MGAT4C: variants seen among roughly 807,000 people sequenced by gnomAD.
MGAT4C encodes alpha-1,3-mannosyl-glycoprotein 4-beta-N-acetylglucosaminyltransferase C.
MGAT4C carries 19 observed loss-of-function variants against 40.1 expected under a neutral mutation model. The observed-to-expected ratio is 0.47, with a 90% CI of 0.33 to 0.70. The LOEUF is 0.70. MGAT4C is among the 30% of genes least tolerant of loss of function. MGAT4C has a pLI of 0.02. For synonymous variants in MGAT4C, 181 were observed against 187.1 expected (o/e 0.97, Z 0.27); for missense variants, 491 against 563.2 (o/e 0.87, Z 1.30).
At chr12:86,585,194 G>A (rs1960963980) in intron 2 of MGAT4C, among the ~76,000 whole-genome samples, 1 of 151,264 alleles carries the variant, frequency 6.6e-6, no homozygotes, top group Non-Finnish European at 1.5e-5. Flanking sequence ...AGCATAAAAT[G>A]GGACTCTCCT....
intron 2 of MGAT4C, among the ~76,000 whole-genome samples, chr12:86,010,092 T>C (rs1442739994): frequency 6.6e-6 from 1 of 152,214 alleles, no homozygotes; most frequent in African/African-American, 2.4e-5. Context: ...ATAAATGTTA[T>C]ATATTGTGAT....
At chr12:86,494,044 T>G (rs1040726660) in intron 2 of MGAT4C, among the ~76,000 whole-genome samples, 2 of 152,066 alleles carry the variant, frequency 1.3e-5, no homozygotes, top group African/African-American at 4.8e-5. Context: ...TTGGTAATTT[T>G]GTATAGCCAT....
chr12:86,817,338 T>C (rs750785458), intron 1 of MGAT4C, among the ~76,000 whole-genome samples: 8 of 151,660 alleles, frequency 5.3e-5, no homozygotes, highest in Admixed American at 1.3e-4. Context: ...TGTTTCTTTT[T>C]GTATTGTTTT....
chr12:86,181,713 A>G (rs1437635063), intron 1 of MGAT4C, among the ~76,000 whole-genome samples: 1 of 152,148 alleles, frequency 6.6e-6, no homozygotes, highest in Non-Finnish European at 1.5e-5. Flanking sequence ...CGATTGTGGA[A>G]TAAAATTTTT....
At chr12:86,140,615 G>A (rs1477135048) in intron 1 of MGAT4C, among the ~76,000 whole-genome samples, 3 of 151,944 alleles carry the variant, frequency 2.0e-5, no homozygotes, top group Non-Finnish European at 4.4e-5. Flanking sequence ...TATGTAACCT[G>A]CATTTTCTGC....
chr12:86,807,405 C>T (rs746310628), intron 1 of MGAT4C, among the ~76,000 whole-genome samples: 7 of 152,002 alleles, frequency 4.6e-5, no homozygotes, highest in Admixed American at 6.6e-5. Flanking sequence ...CGTTGGTTTG[C>T]TGAGGATAAT....
intron 2 of MGAT4C, among the ~76,000 whole-genome samples, chr12:86,563,698 CT>C (rs904335918): frequency 6.6e-6 from 1 of 152,124 alleles, no homozygotes; most frequent in African/African-American, 2.4e-5. Flanking sequence ...ATGATCAGAC[CT>C]TTTGGGAACT....
chr12:86,111,279 C>G (rs1464459587), intron 1 of MGAT4C, among the ~76,000 whole-genome samples: 1 of 151,748 alleles, frequency 6.6e-6, no homozygotes, highest in Non-Finnish European at 1.5e-5. Context: ...TGTGTAGTGT[C>G]TATCAAGCAT....
intron 3 of MGAT4C, among the ~76,000 whole-genome samples, chr12:86,424,296 C>G (rs1271121625): frequency 6.6e-6 from 1 of 152,154 alleles, no homozygotes; most frequent in Non-Finnish European, 1.5e-5. Context: ...TAGCCTTTCT[C>G]TTTAGATTTT....
intron 1 of MGAT4C, among the ~76,000 whole-genome samples, chr12:86,744,523 A>C (rs1951121982): frequency 6.6e-6 from 1 of 151,424 alleles, no homozygotes; most frequent in Admixed American, 6.6e-5. Context: ...CTCCAGTGGA[A>C]CTCTGCCTCT....
intron 4 of MGAT4C, among the ~76,000 whole-genome samples, chr12:86,286,689 G>A (rs1953360111): frequency 6.6e-6 from 1 of 151,996 alleles, no homozygotes; most frequent in African/African-American, 2.4e-5. Context: ...TGTCATCCAG[G>A]TAATAAGCAT....
intron 2 of MGAT4C, among the ~76,000 whole-genome samples, chr12:86,048,016 T>G (rs1357988862): frequency 6.6e-6 from 1 of 150,794 alleles, no homozygotes; most frequent in Non-Finnish European, 1.5e-5. Context: ...GTAAATAGAA[T>G]CACAAATAAA....
chr12:86,635,922 T>G (rs1963206320), intron 2 of MGAT4C, among the ~76,000 whole-genome samples: 1 of 151,866 alleles, frequency 6.6e-6, no homozygotes, highest in Non-Finnish European at 1.5e-5. Flanking sequence ...GCTCAAGAGA[T>G]CTTCCTGCAT....
chr12:86,469,468 G>A (rs61949559), intron 2 of MGAT4C, among the ~76,000 whole-genome samples: 15,287 of 152,068 alleles, frequency 0.1, 1,016 homozygotes, highest in Middle Eastern at 0.25. Context: ...CTCTGGATAG[G>A]CACACACAGC....
intron 1 of MGAT4C, among the ~76,000 whole-genome samples, chr12:86,096,933 A>G (rs1198396595): frequency 2.6e-5 from 4 of 151,326 alleles, no homozygotes; most frequent in East Asian, 1.9e-4. Flanking sequence ...GTCTTTTTTA[A>G]TATCTCGGAC....
At chr12:86,482,505 A>G (rs1300344429) in intron 2 of MGAT4C, among the ~76,000 whole-genome samples, 1 of 152,022 alleles carries the variant, frequency 6.6e-6, no homozygotes. Context: ...CAAAGGATTG[A>G]AGTTTACATG....
chr12:86,715,070 T>C (rs139922173), intron 2 of MGAT4C, among the ~76,000 whole-genome samples: 6 of 152,228 alleles, frequency 3.9e-5, no homozygotes, highest in African/African-American at 1.2e-4. Flanking sequence ...ATTCAAACTT[T>C]GTATAATTAT....
intron 1 of MGAT4C, among the ~76,000 whole-genome samples, chr12:86,800,571 T>C (rs1049518679): frequency 1.3e-5 from 2 of 151,910 alleles, no homozygotes; most frequent in African/African-American, 2.4e-5. Context: ...ATTGTTGGAG[T>C]TAGGTATCAG....
intron 4 of MGAT4C, among the ~76,000 whole-genome samples, chr12:86,302,731 C>T (rs1953846530): frequency 1.3e-5 from 2 of 150,574 alleles, no homozygotes; most frequent in Admixed American, 1.3e-4. Context: ...ACCAGGACAG[C>T]AGCCTCTTTT....
Sources: allele counts gnomAD v4.1 joint callset (sites outside exome capture counted in the v4.1 genomes callset), GRCh38; gene constraint gnomAD v4.1.1; transcripts MANE v1.5; gene names NCBI Gene and HGNC (gene_info 2026-07-23, HGNC 2026-07-21).